The following DCTN1 variants were observed in gnomAD, a reference collection of about 807,000 sequenced individuals.
DCTN1 encodes dynactin subunit 1, also known as 150 kDa dynein-associated polypeptide.
DCTN1 carries 61 observed loss-of-function variants against 161.2 expected under a neutral mutation model. The ratio of observed to expected loss-of-function variants is 0.38; its 90% CI spans 0.31 to 0.47. The LOEUF is 0.47. Ranked by LOEUF, DCTN1 falls within the 20% of genes least tolerant of loss-of-function variation. DCTN1 has a pLI of 0.99. For missense variants in DCTN1, 1,404 were observed against 1,623.7 expected (o/e 0.86, Z 2.33); for synonymous variants, 653 against 632.4 (o/e 1.03, Z -0.49).
chr2:74,366,649 A>G, intron 21 of DCTN1, 29 bp from the exon 22 acceptor site: 2 of 1,613,088 alleles, frequency 1.2e-6, no homozygotes, highest in Non-Finnish European at 1.7e-6. Flanking sequence ...TCAGGAGTCA[A>G]CCCTGGGTTC....
At position 74,362,417 on chromosome 2, in the gene DCTN1, C is replaced by A. The variant is rs562835589; in HGVS notation, c.3609+233G>T. ...ACAATGATCTCAGCGCTGATGGAAG[C>A]TAAAGCCTGAACCAGTCACTCTAAA... On this transcript the variant is annotated intron_variant, in intron 30 of 31. Transcript: ENST00000628224. Among the ~76,000 whole-genome samples, 4 of 152,188 alleles carry A rather than the reference C, an allele frequency of 2.6e-5. No individual in the cohort carries two copies. In the South Asian group the frequency reaches 8.3e-4, roughly 32 times the overall value.
rs369546374 is a variant in DCTN1 at position 74,369,336 on chromosome 2, G to A, written c.1548C>T (p.Thr516=). 5 of 1,614,068 alleles carry A rather than the reference G, an allele frequency of 3.1e-6. No individual in the cohort carries two copies. Among genetic ancestry groups the A allele is most frequent in the Non-Finnish European group, 4.2e-6 (5 of 1,180,044 alleles). Residue 516 remains threonine, a synonymous_variant, in exon 14 of 32, where the codon ACC becomes ACT. Coordinates refer to ENST00000628224, the MANE Select transcript of DCTN1 (RefSeq NM_004082.5). This position sits in a 1 kb window ranked among gnomAD's most constrained non-coding sequence, Gnocchi z 4.9. ...CGGTCAGCTGGCGGTACTTCTTGAT[G>A]GTCTGCTGGTAGTCTGCAACCGTCT... ...AQETVADYQQ[T]IKKYRQLTAH...
At position 74,367,118 on chromosome 2, in the gene DCTN1, A is replaced by G; in HGVS notation, c.2254-11T>C. ...AGCACTCTGCGTGAACTGTGAGGATAGAAGCATGCAATCATCAGCCCCCAG... is the reference window on the plus strand; with the variant it reads ...AGCACTCTGCGTGAACTGTGAGGATGGAAGCATGCAATCATCAGCCCCCAG... On this transcript the variant is annotated splice_polypyrimidine_tract_variant and intron_variant, in intron 19 of 31. Coordinates refer to ENST00000628224, the MANE Select transcript of DCTN1 (RefSeq NM_004082.5). 1 of 1,614,124 alleles carries G rather than the reference A, an allele frequency of 6.2e-7. No homozygotes were observed. The highest frequency in any genetic ancestry group is 8.5e-7 in the Non-Finnish European group (1 of 1,180,026).
chr2:74,367,119 G>C lies in DCTN1; in HGVS notation c.2254-12C>G. The C allele has an allele frequency of 6.2e-7, 1 of 1,614,096 alleles. No homozygotes were observed. The highest frequency in any genetic ancestry group is 8.5e-7 in the Non-Finnish European group (1 of 1,180,026). ...GCACTCTGCGTGAACTGTGAGGATA[G>C]AAGCATGCAATCATCAGCCCCCAGC... On this transcript the variant is annotated splice_polypyrimidine_tract_variant and intron_variant, in intron 19 of 31. Coordinates refer to ENST00000628224, the MANE Select transcript of DCTN1 (RefSeq NM_004082.5).
chr2:74,368,671 C>A (rs988121813), intron 16 of DCTN1, 57 bp downstream of exon 16: 45 of 1,613,188 alleles, frequency 2.8e-5, no homozygotes, highest in Non-Finnish European at 3.6e-5. Flanking sequence ...ATCTTCAATG[C>A]CTGGTTCATG....
Position 74,367,197 on chromosome 2 carries a change from C to A in DCTN1, c.2254-90G>T, listed in dbSNP as rs1186991743. On this transcript the variant is annotated intron_variant, in intron 19 of 31. Coordinates refer to ENST00000628224, the MANE Select transcript of DCTN1 (RefSeq NM_004082.5). ...CTAAGAAGTCCCCATCCTCTGCTGACCCCCATACATAAGTAGGTCCTCTAG... is the reference window on the plus strand; with the variant it reads ...CTAAGAAGTCCCCATCCTCTGCTGAACCCCATACATAAGTAGGTCCTCTAG... 9 of 1,554,546 alleles carry A rather than the reference C, an allele frequency of 5.8e-6. No homozygotes were observed. The Admixed American group carries it at 1.6e-4, about 27-fold the overall frequency.
chr2:74,388,929 C>G (rs1675867983), intron 1 of DCTN1, among the ~76,000 whole-genome samples: 1 of 152,144 alleles, frequency 6.6e-6, no homozygotes, highest in Non-Finnish European at 1.5e-5. Flanking sequence ...TCTCCCCTAA[C>G]CCTCAGTAAA....
Position 74,361,549 on chromosome 2 carries a change from C to G in DCTN1, c.3787G>C (p.Val1263Leu). 1 of 1,614,140 alleles carries G rather than the reference C, an allele frequency of 6.2e-7. No homozygotes were observed. The highest frequency in any genetic ancestry group is 1.6e-4 in the Middle Eastern group (1 of 6,062). ...AAGFGQRHRL[V>L]LTQEQLHQLH... is the part of the protein sequence containing the mutation. ...TGGTGCAGCTGCTCCTGGGTCAGCA[C>G]CAGCCGGTGTCGCTGTCCAAAACCA... is the stretch of plus-strand genomic sequence containing the variant. The change falls in exon 32 of 32, where the codon GTG (valine) becomes CTG (leucine). Residue 1263 changes from valine (V) to leucine (L), a missense_variant. Around this residue, in one of 9 missense-constraint regions of DCTN1, gnomAD observed 311 missense variants for 298.9 expected, o/e 1.04. Transcript: ENST00000628224.
rs561838096 is a variant in DCTN1, at chr2:74,369,158, C to G, written c.1641G>C (p.Gln547His). The G allele has an allele frequency of 6.2e-7, 1 of 1,614,252 alleles. No homozygotes were observed. The highest frequency in any genetic ancestry group is 8.5e-7 in the Non-Finnish European group (1 of 1,180,050). ...QQEASVERQQQPPPETFDFKI... is the reference protein window; with the variant it reads ...QQEASVERQQHPPPETFDFKI... ...TGAAGTCAAAGGTCTCTGGAGGTGG[C>G]TGCTGTTGCCTCTCCACAGATGCTT... Residue 547 changes from glutamine to histidine, a missense_variant, in exon 15 of 32, where the codon CAG becomes CAC. Physicochemically the swap from Gln to His is conservative, Grantham distance 24 (BLOSUM62 0). Transcript: ENST00000628224. The surrounding 1 kb of genome is among the most constrained non-coding windows in gnomAD (Gnocchi z 4.9).
chr2:74,363,697 G>A (rs373106869), intron 26 of DCTN1, 69 bp from the exon 27 acceptor site: 122 of 1,597,940 alleles, frequency 7.6e-5, no homozygotes, highest in East Asian at 6.7e-5. Context: ...TGGGGGTTAC[G>A]GGGACACACC....
At chr2:74,361,848 G>A (rs1489202399) in intron 31 of DCTN1, among the ~76,000 whole-genome samples, 2 of 152,134 alleles carry the variant, frequency 1.3e-5, no homozygotes, top group Non-Finnish European at 2.9e-5. Flanking sequence ...CAAAAGTCAC[G>A]GAAGGTGTTT....
At chr2:74,363,825 C>T (rs952552650) in intron 26 of DCTN1, 197 bp from the exon 27 acceptor site, 2 of 725,686 alleles carry the variant, frequency 2.8e-6, no homozygotes, top group South Asian at 1.7e-5. Context: ...AAGAAAGACA[C>T]CAAACAGGAG....
Position 74,363,284 on chromosome 2 carries a change from G to T in DCTN1, c.3345+10C>A, listed in dbSNP as rs1558932839. On this transcript the variant is annotated intron_variant, in intron 28 of 31. Transcript: ENST00000628224. ...ATCTCCCATCCCAGTCCTCCCCGTG[G>T]CTCCCTCACCTTGAGGATGCTGTTC... 6.2e-7 allele frequency: 1 copy of T among 1,614,080 alleles called. No individual in the cohort carries two copies. Among genetic ancestry groups the T allele is most frequent in the South Asian group, 1.1e-5 (1 of 91,032 alleles).
chr2:74,382,687 T>C (rs1675563696), upstream of DCTN1, among the ~76,000 whole-genome samples: 1 of 151,676 alleles, frequency 6.6e-6, no homozygotes, highest in Non-Finnish European at 1.5e-5. Context: ...TATATACATC[T>C]ACACAATAAA....
Position 74,370,382 on chromosome 2 carries a change from C to T in DCTN1, c.1128-37G>A, listed in dbSNP as rs759663113. 37 of 1,613,926 alleles carry T rather than the reference C, an allele frequency of 2.3e-5. No individual in the cohort carries two copies. The highest frequency in any genetic ancestry group is 8.0e-5 in the African/African-American group (6 of 74,938). ...TGAGGAAGGCAGAAGGAGGAAAGCACGTGTCAGAGTCTCTGGCGATGGGTG... is the reference window on the plus strand; with the variant it reads ...TGAGGAAGGCAGAAGGAGGAAAGCATGTGTCAGAGTCTCTGGCGATGGGTG... On this transcript the variant is annotated intron_variant, in intron 11 of 31. Coordinates refer to ENST00000628224, the MANE Select transcript of DCTN1 (RefSeq NM_004082.5). The surrounding 1 kb of genome is among the most constrained non-coding windows in gnomAD (Gnocchi z 4.4).
In DCTN1 at chr2:74,361,390, A is replaced by T; in HGVS notation, c.*109T>A. 1 of 1,510,268 alleles carries T rather than the reference A, an allele frequency of 6.6e-7. No homozygotes were observed. The highest frequency in any genetic ancestry group is 9.1e-7 in the Non-Finnish European group (1 of 1,101,328). The allele number at this position is 1,510,268 out of a possible 1,614,324, so 93.6% of individuals were successfully genotyped here. A position where few individuals can be genotyped will look rare whatever the true frequency, so the allele number is the denominator to read the frequency against. On this transcript the variant is annotated 3_prime_UTR_variant, in exon 32 of 32. Transcript: ENST00000628224. ...TGGGAGTGAAGCTGAACGGGGCAGG[A>T]AGAGCTTAACCCACGTTTCTACCTG...
chr2:74,391,688 G>C, intron 1 of DCTN1: 1 of 409,444 alleles, frequency 2.4e-6, no homozygotes, highest in East Asian at 7.4e-5. Context: ...ACCCCTGCCA[G>C]TCCCCGCCCC....
At chr2:74,384,179 G>A (rs1287497478), upstream of DCTN1, among the ~76,000 whole-genome samples, 2 of 152,186 alleles carry the variant, frequency 1.3e-5, no homozygotes, top group East Asian at 1.9e-4. Context: ...TTGCATACAC[G>A]AATACATGTA....
At chr2:74,373,216 A>C (rs1674997790) in intron 6 of DCTN1, 1 of 540,146 alleles carries the variant, frequency 1.9e-6, no homozygotes, top group African/African-American at 1.9e-5. Context: ...ACACCCCAGA[A>C]ATCCCAGAAG....
Sources: gnomAD v4.1 joint callset for allele counts (sites outside exome capture counted in the v4.1 genomes callset) on GRCh38, gnomAD v4.1.1 for gene constraint, gnomAD v4.1.1 regional missense constraint, Gnocchi (gnomAD v3.1) non-coding constraint, MANE v1.5 for transcripts, NCBI Gene and HGNC (gene_info 2026-07-23, HGNC 2026-07-21) for gene names.